RAD9A: variants seen among roughly 807,000 people sequenced by gnomAD.
The protein encoded by RAD9A is RAD9 checkpoint clamp component A.
Under a neutral mutation model 41.2 loss-of-function variants are expected in RAD9A, and 25 were observed. That is an observed-to-expected ratio of 0.61 (90% CI 0.44 to 0.85). RAD9A has a LOEUF of 0.85. RAD9A is among the 40% of genes least tolerant of loss of function. RAD9A has a pLI of 0.00. For missense variants in RAD9A, 514 were observed against 518.3 expected (o/e 0.99, Z 0.08); for synonymous variants, 252 against 210.6 (o/e 1.20, Z -1.70).
chr11:67,397,642 G>A lies in RAD9A; in HGVS notation c.*83G>A, dbSNP rs1428350213. On this transcript the variant is annotated 3_prime_UTR_variant, in exon 11 of 11. Transcript: ENST00000307980. ...GGCAGAACTGGGTCTCTCAGCCCTG[G>A]GGATCAGAAAGGTGGGCTTGCTGGA... The A allele has an allele frequency of 3.1e-6, 4 of 1,284,060 alleles. No individual in the cohort carries two copies. In the African/African-American group the frequency reaches 6.0e-5, roughly 19 times the overall value. The allele number at this position is 1,284,060 out of a possible 1,614,324, so 79.5% of individuals were successfully genotyped here. A position where few individuals can be genotyped will look rare whatever the true frequency, so the allele number is the denominator to read the frequency against.
At position 67,397,539 on chromosome 11, in the gene RAD9A, G is replaced by A. The variant is rs1353972346; in HGVS notation, c.1156G>A (p.Asp386Asn). The A allele has an allele frequency of 1.2e-6, 2 of 1,608,580 alleles. No homozygotes were observed. The highest frequency in any genetic ancestry group is 1.7e-6 in the Non-Finnish European group (2 of 1,176,264). Residue 386 changes from aspartate to asparagine, a missense_variant, in exon 11 of 11, where the codon GAC (aspartate) becomes AAC (asparagine). Asp to Asn is a conservative substitution (Grantham distance 23). This residue lies in a region of RAD9A where 216 missense variants were observed against 184.2 expected (regional missense o/e 1.17). Coordinates refer to ENST00000307980, the MANE Select transcript of RAD9A (RefSeq NM_004584.3). Reference protein sequence around the residue: ...PQGPSPVLAEDSEGEG With the variant: ...PQGPSPVLAENSEGEG ...GGGCCCCAGCCCTGTGCTGGCGGAAGACAGTGAGGGTGAAGGCTGAACCAA... is the reference window on the plus strand; with the variant it reads ...GGGCCCCAGCCCTGTGCTGGCGGAAAACAGTGAGGGTGAAGGCTGAACCAA...
rs1862567850 is a variant in RAD9A, at chr11:67,392,840, G to A, written c.234+58G>A. 1.3e-5 allele frequency: 20 copies of A among 1,592,140 alleles called. 1 individual carries two copies. The Admixed American group carries it at 3.3e-4, about 27-fold the overall frequency. Reference sequence around the variant, plus strand: ...CACCCCAGGAATCTCCACCAGCTGTGCCTCTGCCCTGGGGTACTCAGTAGA... The same window carrying A: ...CACCCCAGGAATCTCCACCAGCTGTACCTCTGCCCTGGGGTACTCAGTAGA... On this transcript the variant is annotated intron_variant, in intron 3 of 10. Transcript: ENST00000307980.
chr11:67,392,139 C>T (rs763266689), intron 1 of RAD9A, 22 bp from the exon 2 acceptor site: 13 of 1,611,450 alleles, frequency 8.1e-6, no homozygotes, highest in African/African-American at 1.3e-5. Context: ...AGCCTAACCC[C>T]CTTCCGCTCT....
In RAD9A at chr11:67,396,243, G is replaced by T; in HGVS notation, c.735-20G>T. The T allele has an allele frequency of 6.2e-7, 1 of 1,614,070 alleles. No individual in the cohort carries two copies. On this transcript the variant is annotated intron_variant, in intron 8 of 10. Coordinates refer to ENST00000307980, the MANE Select transcript of RAD9A (RefSeq NM_004584.3). The stretch of plus-strand genomic sequence containing the variant: ...GGAGCTGAATGGGATGACCTAGCTT[G>T]GGCCCCCTCCCCTGCCCAGGCCCGC...
chr11:67,397,596 C>T lies in RAD9A; in HGVS notation c.*37C>T, dbSNP rs751911666. 3.9e-6 allele frequency: 6 copies of T among 1,519,624 alleles called. No individual in the cohort carries two copies. Among genetic ancestry groups the T allele is most frequent in the African/African-American group, 2.8e-5 (2 of 72,300 alleles). The allele number at this position is 1,519,624 out of a possible 1,614,324, so 94.1% of individuals were successfully genotyped here. On this transcript the variant is annotated 3_prime_UTR_variant, in exon 11 of 11. Coordinates refer to ENST00000307980, the MANE Select transcript of RAD9A (RefSeq NM_004584.3). ...GAAGCCTGTACCCAGAGGCCTTGGA[C>T]TAGACGAAGCCCCAGCCAGTGGCAG...
At chr11:67,394,698 C>T (rs1171502060) in intron 5 of RAD9A, among the ~76,000 whole-genome samples, 2 of 152,056 alleles carry the variant, frequency 1.3e-5, no homozygotes, top group Non-Finnish European at 2.9e-5. Context: ...TCACCACAAC[C>T]TCCGCCTCCC....
intron 3 of RAD9A, chr11:67,393,246 C>G (rs1236417639): frequency 1.7e-6 from 2 of 1,171,994 alleles, no homozygotes; most frequent in African/African-American, 3.2e-5. Flanking sequence ...CACCACTGCA[C>G]TCCAGCCTGG....
In RAD9A at chr11:67,397,406, G is replaced by A. The variant is rs377457928; in HGVS notation, c.1080+20G>A. ...AAGAAGGTAGGGACTGGAGGTGGAGGCAGGGGTGGGAGGTAGGGAAGGGAG... is the reference window on the plus strand; with the variant it reads ...AAGAAGGTAGGGACTGGAGGTGGAGACAGGGGTGGGAGGTAGGGAAGGGAG... On this transcript the variant is annotated intron_variant, in intron 10 of 10. Transcript: ENST00000307980. The A allele has an allele frequency of 2.5e-6, 4 of 1,589,252 alleles. No individual in the cohort carries two copies. The highest frequency in any genetic ancestry group is 3.4e-6 in the Non-Finnish European group (4 of 1,160,464).
At chr11:67,392,305 C>T (rs1015848913) in intron 2 of RAD9A, 74 bp downstream of exon 2, 89 of 1,294,246 alleles carry the variant, frequency 6.9e-5, no homozygotes, top group African/African-American at 3.7e-4. Flanking sequence ...GTCTCGCCCC[C>T]ACTAGGCGGG....
chr11:67,395,601 C>A, intron 5 of RAD9A, 115 bp from the exon 6 acceptor site: 1 of 785,262 alleles, frequency 1.3e-6, no homozygotes, highest in Non-Finnish European at 2.0e-6. Context: ...ATCCACGGTG[C>A]GCTAGGCCTG....
Position 67,397,609 on chromosome 11 carries a change from C to G in RAD9A, c.*50C>G. The G allele has an allele frequency of 6.8e-7, 1 of 1,469,994 alleles. No homozygotes were observed. Among genetic ancestry groups the G allele is most frequent in the Non-Finnish European group, 9.3e-7 (1 of 1,070,016 alleles). 91.1% of individuals were successfully genotyped at this position (1,469,994 alleles called of 1,614,324 possible). A position where few individuals can be genotyped will look rare whatever the true frequency, so the allele number is the denominator to read the frequency against. On this transcript the variant is annotated 3_prime_UTR_variant, in exon 11 of 11. Transcript: ENST00000307980. ...AGAGGCCTTGGACTAGACGAAGCCC[C>G]AGCCAGTGGCAGAACTGGGTCTCTC...
Position 67,392,088 on chromosome 11 carries a change from G to C in RAD9A, c.34+10G>C. 6.3e-7 allele frequency: 1 copy of C among 1,599,384 alleles called. No individual in the cohort carries two copies. Among genetic ancestry groups the C allele is most frequent in the Non-Finnish European group, 8.5e-7 (1 of 1,174,384 alleles). On this transcript the variant is annotated intron_variant, in intron 1 of 10. Transcript: ENST00000307980. ...GGCGGCAACGTGAAGGGTGAGTGCA[G>C]GTCGGCCTGGCAGCGGCGGTGCAGC...
Position 67,395,807 on chromosome 11 carries a change from TACC to T in RAD9A, c.544_546del (p.His182del), listed in dbSNP as rs1228008939. On this transcript the variant is annotated inframe_deletion, in exon 6 of 11. Coordinates refer to ENST00000307980, the MANE Select transcript of RAD9A (RefSeq NM_004584.3). ...TGGCCGCAGGGTCATCCTGCGCAGCTACCACGAGGAGGAGGCAGGTGAGGGGGC... is the reference window on the plus strand; with the variant it reads ...TGGCCGCAGGGTCATCCTGCGCAGCTACGAGGAGGAGGCAGGTGAGGGGGC... The T allele has an allele frequency of 1.2e-6, 2 of 1,613,672 alleles. No individual in the cohort carries two copies. The highest frequency in any genetic ancestry group is 8.5e-7 in the Non-Finnish European group (1 of 1,179,974).
At chr11:67,394,911 C>G (rs910414162) in intron 5 of RAD9A, among the ~76,000 whole-genome samples, 1 of 152,056 alleles carries the variant, frequency 6.6e-6, no homozygotes, top group African/African-American at 2.4e-5. Flanking sequence ...CCACCACACT[C>G]AGTCTCTTTT....
chr11:67,392,228 C>T lies in RAD9A; in HGVS notation c.102C>T (p.Asp34=). 5 of 481,876 alleles carry T rather than the reference C, an allele frequency of 1.0e-5. No homozygotes were observed. Among genetic ancestry groups the T allele is most frequent in the South Asian group, 4.7e-5 (3 of 63,808 alleles). 29.9% of individuals were successfully genotyped at this position (481,876 alleles called of 1,614,324 possible). Residue 34 remains aspartate, a synonymous_variant, in exon 2 of 11, where the codon GAC becomes GAT. Coordinates refer to ENST00000307980, the MANE Select transcript of RAD9A (RefSeq NM_004584.3). ...AGCTCTACCTGGAACCCTTGGAGGA[C>T]GGGGTGAGGGGCTAGGGTGTGGGGG... is the stretch of plus-strand genomic sequence containing the variant. ...GDELYLEPLE[D]GLSLRTVNSS...
At position 67,398,250 on chromosome 11, in the gene RAD9A, G is replaced by C. The variant is rs951020235; in HGVS notation, c.*691G>C. 6 of 466,902 alleles carry C rather than the reference G, an allele frequency of 1.3e-5. No homozygotes were observed. The highest frequency in any genetic ancestry group is 1.1e-5 in the Non-Finnish European group (3 of 261,596). 28.9% of individuals were successfully genotyped at this position (466,902 alleles called of 1,614,324 possible). A position where few individuals can be genotyped will look rare whatever the true frequency, so the allele number is the denominator to read the frequency against. On this transcript the variant is annotated 3_prime_UTR_variant, in exon 11 of 11. Coordinates refer to ENST00000307980, the MANE Select transcript of RAD9A (RefSeq NM_004584.3). ...GCCCCAGGATCCGGCTGCCAGCCCT[G>C]AGGCCAAGCACGGCTGGAGACCCAC...
In RAD9A at chr11:67,397,517, C is replaced by T. The variant is rs765344685; in HGVS notation, c.1134C>T (p.Gly378=). The T allele has an allele frequency of 1.2e-6, 2 of 1,611,900 alleles. No individual in the cohort carries two copies. The highest frequency in any genetic ancestry group is 2.7e-5 in the African/African-American group (2 of 74,884). The change falls in exon 11 of 11, where the codon GGC becomes GGT. Residue 378 remains glycine, a synonymous_variant. Transcript: ENST00000307980. The part of the protein sequence containing the change: ...SILAPVRSPQ[G]PSPVLAEDSE... ...TGGCCCCTGTACGCTCCCCCCAGGG[C>T]CCCAGCCCTGTGCTGGCGGAAGACA...
chr11:67,392,259 T>TG, intron 2 of RAD9A, 28 bp downstream of exon 2: 29 of 484,228 alleles, frequency 6.0e-5, no homozygotes, highest in Middle Eastern at 3.9e-4. Flanking sequence ...GGGGGGCGGG[T>TG]GGGACTCCAG....
chr11:67,392,248 T>TGGGGCTGGGGTGGGGGGG lies in RAD9A; in HGVS notation c.105+21_105+22insCTGGGGTGGGGGGGGGGG. On this transcript the variant is annotated intron_variant, in intron 2 of 10. Coordinates refer to ENST00000307980, the MANE Select transcript of RAD9A (RefSeq NM_004584.3). ...GAGGACGGGGTGAGGGGCTAGGGTG[T>TGGGGCTGGGGTGGGGGGG]GGGGGGCGGGTGGGACTCCAGCCGG... The TGGGGCTGGGGTGGGGGGG allele has an allele frequency of 3.1e-6, 1 of 321,862 alleles. No individual in the cohort carries two copies. The highest frequency in any genetic ancestry group is 6.2e-6 in the Non-Finnish European group (1 of 162,540). 19.9% of individuals were successfully genotyped at this position (321,862 alleles called of 1,614,324 possible). A position where few individuals can be genotyped will look rare whatever the true frequency, so the allele number is the denominator to read the frequency against.
Sources: gnomAD v4.1 joint callset for allele counts (sites outside exome capture counted in the v4.1 genomes callset) on GRCh38, gnomAD v4.1.1 for gene constraint, gnomAD v4.1.1 regional missense constraint, MANE v1.5 for transcripts, NCBI Gene and HGNC (gene_info 2026-07-23, HGNC 2026-07-21) for gene names.